The following RYR3 variants were observed in gnomAD, a reference collection of about 807,000 sequenced individuals.
RYR3 encodes the protein brain ryanodine receptor-calcium release channel.
In RYR3, 207 loss-of-function variants were observed where a neutral mutation model predicts 584.3. That is an observed-to-expected ratio of 0.35 (90% CI 0.32 to 0.40). RYR3 has a LOEUF of 0.40. Among genes scored for constraint, RYR3 ranks in the 10% least tolerant of loss-of-function variants. The probability of loss-of-function intolerance (pLI) is 1.00; values close to 1 mark genes in which losing one functional copy is unlikely to be tolerated. For missense variants in RYR3, 5,616 were observed against 6,089.2 expected (o/e 0.92, Z 2.59); for synonymous variants, 2,416 against 2,248.5 (o/e 1.07, Z -2.11).
chr15:33,336,837 C>T (rs893758833), intron 1 of RYR3, among the ~76,000 whole-genome samples: 4 of 150,862 alleles, frequency 2.7e-5, no homozygotes, highest in Admixed American at 2.0e-4. Context: ...GGGCGGATCA[C>T]GAGGTCAGGA....
chr15:33,675,737 C>T (rs910839793), intron 38 of RYR3, among the ~76,000 whole-genome samples: 5 of 152,118 alleles, frequency 3.3e-5, no homozygotes, highest in South Asian at 2.1e-4. Context: ...ATATAGTAAG[C>T]GCTTAATTTT....
chr15:33,754,235 C>T (rs2071594755), intron 57 of RYR3, among the ~76,000 whole-genome samples: 1 of 152,208 alleles, frequency 6.6e-6, no homozygotes, highest in African/African-American at 2.4e-5. Flanking sequence ...ACACTTGACT[C>T]ACCACCATGG....
chr15:33,352,691 A>G (rs893927851), intron 1 of RYR3, among the ~76,000 whole-genome samples: 4 of 152,200 alleles, frequency 2.6e-5, no homozygotes, highest in Non-Finnish European at 5.9e-5. Flanking sequence ...AATATTATTC[A>G]CAAGCAAAAG....
intron 10 of RYR3, among the ~76,000 whole-genome samples, chr15:33,558,662 C>T (rs113586503): frequency 3.3e-5 from 5 of 152,068 alleles, no homozygotes; most frequent in African/African-American, 1.2e-4. Context: ...ACCATTTGAC[C>T]CAGAAATCCC....
At chr15:33,683,622 C>A (rs1032009256) in intron 38 of RYR3, among the ~76,000 whole-genome samples, 2 of 152,198 alleles carry the variant, frequency 1.3e-5, no homozygotes, top group Admixed American at 1.3e-4. Context: ...GTTCATCTCA[C>A]TGGGACTGGT....
chr15:33,816,240 T>C (rs1156981690), intron 74 of RYR3, among the ~76,000 whole-genome samples: 1 of 152,212 alleles, frequency 6.6e-6, no homozygotes, highest in African/African-American at 2.4e-5. Flanking sequence ...TCCTGGCTTA[T>C]CGGGAGTGGC....
At chr15:33,729,896 A>T (rs2068798624) in intron 47 of RYR3, among the ~76,000 whole-genome samples, 1 of 152,188 alleles carries the variant, frequency 6.6e-6, no homozygotes, top group Non-Finnish European at 1.5e-5. Flanking sequence ...AAATACCTTA[A>T]CTTGGATGGA....
rs576539706 is a variant in RYR3, at chr15:33,511,406, C to G, written c.279+7668C>G. Among the ~76,000 whole-genome samples, 17 of 150,156 alleles carry G rather than the reference C, an allele frequency of 1.1e-4. No individual in the cohort carries two copies. In the East Asian group the frequency reaches 3.4e-3, roughly 30 times the overall value. On this transcript the variant is annotated intron_variant, in intron 3 of 103. Coordinates refer to ENST00000634891, the MANE Select transcript of RYR3 (RefSeq NM_001036.6). ...AATAAGTTGAAAGCTTTCAGCAAAA[C>G]CTGCACACGCTAAAATATCCATTTA...
At chr15:33,483,165 C>T (rs2050122887) in intron 2 of RYR3, among the ~76,000 whole-genome samples, 1 of 151,962 alleles carries the variant, frequency 6.6e-6, no homozygotes, top group East Asian at 1.9e-4. Flanking sequence ...TCTTTCTCCT[C>T]CATTATTCTT....
chr15:33,485,209 G>A (rs944638036), intron 2 of RYR3, among the ~76,000 whole-genome samples: 2 of 152,184 alleles, frequency 1.3e-5, no homozygotes, highest in Admixed American at 6.5e-5. Flanking sequence ...TGACATGGAG[G>A]CCAGTGACAA....
At chr15:33,536,037 G>A (rs1402851970) in intron 5 of RYR3, among the ~76,000 whole-genome samples, 1 of 152,176 alleles carries the variant, frequency 6.6e-6, no homozygotes, top group Non-Finnish European at 1.5e-5. Context: ...GAGGGACAAG[G>A]AGGATGCACC....
At chr15:33,762,751 A>G (rs549260107) in intron 60 of RYR3, among the ~76,000 whole-genome samples, 1 of 152,214 alleles carries the variant, frequency 6.6e-6, no homozygotes, top group Non-Finnish European at 1.5e-5. Context: ...TTCTTCACAG[A>G]ACTAGAAAAA....
At position 33,707,072 on chromosome 15, in the gene RYR3, C is replaced by G; in HGVS notation, c.6619+18C>G. On this transcript the variant is annotated intron_variant, in intron 43 of 103. Transcript: ENST00000634891. ...CGTGAACAGTGAGTCCCACATTTTTCCATACCTCTTATACCCAGAATAGCA... is the reference window on the plus strand; with the variant it reads ...CGTGAACAGTGAGTCCCACATTTTTGCATACCTCTTATACCCAGAATAGCA... The G allele has an allele frequency of 6.2e-7, 1 of 1,613,584 alleles. No individual in the cohort carries two copies. The highest frequency in any genetic ancestry group is 8.5e-7 in the Non-Finnish European group (1 of 1,179,648).
At chr15:33,789,952 C>T (rs989367491) in intron 67 of RYR3, among the ~76,000 whole-genome samples, 5 of 141,458 alleles carry the variant, frequency 3.5e-5, no homozygotes, top group Non-Finnish European at 4.6e-5. Flanking sequence ...GTTGGGATTA[C>T]AGATTACAGG....
intron 2 of RYR3, among the ~76,000 whole-genome samples, chr15:33,488,410 C>G (rs553837460): frequency 3.5e-4 from 52 of 150,566 alleles, no homozygotes; most frequent in Middle Eastern, 3.5e-3. Flanking sequence ...TTTCTTCCTC[C>G]GCCGACTCCT....
Position 33,631,233 on chromosome 15 carries a change from A to T in RYR3, c.2807A>T (p.His936Leu). 1 of 1,590,546 alleles carries T rather than the reference A, an allele frequency of 6.3e-7. No individual in the cohort carries two copies. ...AGAACCCTCTTGGCCCTGGGGTGCCACATTGCTCATGTTAACCCAGCTGCT... is the reference window on the plus strand; with the variant it reads ...AGAACCCTCTTGGCCCTGGGGTGCCTCATTGCTCATGTTAACCCAGCTGCT... ...TLKTLLALGC[H>L]IAHVNPAAEE... Residue 936 changes from histidine to leucine, a missense_variant, in exon 23 of 104, where the codon CAC (histidine) becomes CTC (leucine). By Grantham distance (99) the His-to-Leu change is moderately conservative. Transcript: ENST00000634891.
rs552934786 is a variant in RYR3 at position 33,634,448 on chromosome 15, T to C, written c.3028-138T>C. On this transcript the variant is annotated intron_variant, in intron 24 of 103. Transcript: ENST00000634891. ...AAGTGGCAATATGTACATTGCTAAA[T>C]GTGAAGGCACTGAGGGAAGGGCTAA... is the stretch of plus-strand genomic sequence containing the variant. 432 of 695,578 alleles carry C rather than the reference T, an allele frequency of 6.2e-4. 7 individuals carry two copies. In the South Asian group the frequency reaches 7.5e-3, roughly 12 times the overall value. The allele number at this position is 695,578 out of a possible 1,614,324, so 43.1% of individuals were successfully genotyped here.
intron 2 of RYR3, among the ~76,000 whole-genome samples, chr15:33,488,078 TCTC>T (rs2050618025): frequency 6.6e-6 from 1 of 152,242 alleles, no homozygotes; most frequent in South Asian, 2.1e-4. Flanking sequence ...CTCTGAGATC[TCTC>T]CTCATCTATA....
chr15:33,765,650 AAAAAAG>A (rs1319660717), intron 60 of RYR3, among the ~76,000 whole-genome samples: 11 of 151,198 alleles, frequency 7.3e-5, no homozygotes, highest in African/African-American at 2.2e-4. Context: ...AAAAAAAAAA[AAAAAAG>A]AAAATAGTCT....
Sources: gnomAD v4.1 joint callset for allele counts (sites outside exome capture counted in the v4.1 genomes callset) on GRCh38, gnomAD v4.1.1 for gene constraint, MANE v1.5 for transcripts, NCBI Gene and HGNC (gene_info 2026-07-23, HGNC 2026-07-21) for gene names.